Variants in SRPK2 observed in about 807,000 individuals in gnomAD.
SRPK2 encodes SRSF protein kinase 2.
SRPK2 carries 21 observed loss-of-function variants against 90.8 expected under a neutral mutation model. That is an observed-to-expected ratio of 0.23 (90% CI 0.16 to 0.33). The LOEUF is 0.33. SRPK2 is among the 10% of genes least tolerant of loss of function. The pLI is 1.00. For synonymous variants in SRPK2, 288 were observed against 311.1 expected (o/e 0.93, Z 0.78); for missense variants, 620 against 869.0 (o/e 0.71, Z 3.60).
intron 2 of SRPK2, among the ~76,000 whole-genome samples, chr7:105,263,557 A>G (rs1804625572): frequency 1.3e-5 from 2 of 152,214 alleles, no homozygotes; most frequent in Non-Finnish European, 2.9e-5. Flanking sequence ...CTATTTATAT[A>G]ATGTTCAAAA....
intron 2 of SRPK2, among the ~76,000 whole-genome samples, chr7:105,373,033 G>A (rs1402023570): frequency 1.3e-5 from 2 of 152,274 alleles, no homozygotes; most frequent in Non-Finnish European, 2.9e-5. Flanking sequence ...AGGTTGCAGT[G>A]AGCCAAGATA....
chr7:105,148,536 C>T (rs540684543), intron 7 of SRPK2, among the ~76,000 whole-genome samples: 6 of 152,118 alleles, frequency 3.9e-5, no homozygotes, highest in Non-Finnish European at 7.4e-5. Context: ...ATTAGAAATT[C>T]CAAATGTTAA....
At chr7:105,233,186 G>A (rs1294205574) in intron 2 of SRPK2, among the ~76,000 whole-genome samples, 2 of 151,750 alleles carry the variant, frequency 1.3e-5, no homozygotes, top group Non-Finnish European at 2.9e-5. Flanking sequence ...TGAAGGCACA[G>A]GTCAATTAAT....
At chr7:105,300,788 A>T (rs529854638) in intron 2 of SRPK2, among the ~76,000 whole-genome samples, 15 of 152,232 alleles carry the variant, frequency 9.9e-5, no homozygotes, top group Non-Finnish European at 2.1e-4. Context: ...CTAGTCATCA[A>T]AAAAATGCAA....
chr7:105,395,668 T>TG (rs1379038275), intron 1 of SRPK2, among the ~76,000 whole-genome samples: 1 of 152,040 alleles, frequency 6.6e-6, no homozygotes, highest in African/African-American at 2.4e-5. Context: ...AGACAGAAGT[T>TG]GCAGTGAGCC....
chr7:105,298,605 G>A, intron 2 of SRPK2: 9 of 483,820 alleles, frequency 1.9e-5, no homozygotes, highest in Non-Finnish European at 2.2e-5. Flanking sequence ...CAGCAAGATG[G>A]TATCTCTTAC....
At chr7:105,292,651 A>G (rs1260437444) in intron 2 of SRPK2, among the ~76,000 whole-genome samples, 1 of 152,188 alleles carries the variant, frequency 6.6e-6, no homozygotes, top group Non-Finnish European at 1.5e-5. Flanking sequence ...ATATTGGGAC[A>G]GCGCTTTTTG....
intron 2 of SRPK2, among the ~76,000 whole-genome samples, chr7:105,220,819 T>C (rs958336131): frequency 2.0e-5 from 3 of 152,196 alleles, no homozygotes; most frequent in African/African-American, 7.2e-5. Flanking sequence ...ATGTGTCTCA[T>C]TTGTTTCAGA....
At chr7:105,298,638 T>C in intron 2 of SRPK2, 1 of 788,462 alleles carries the variant, frequency 1.3e-6, no homozygotes, top group Non-Finnish European at 1.5e-6. Flanking sequence ...CAAACAAAAG[T>C]ATCAAATAAA....
intron 2 of SRPK2, among the ~76,000 whole-genome samples, chr7:105,361,193 G>A (rs1211208210): frequency 6.6e-6 from 1 of 152,006 alleles, no homozygotes; most frequent in South Asian, 2.1e-4. Context: ...AACACACAGA[G>A]AGCCAAATCA....
In SRPK2 at chr7:105,319,860, CT is replaced by C. The variant is rs75125198; in HGVS notation, c.71+68787del. 1.1e-3 allele frequency among the ~76,000 whole-genome samples: 166 copies of C among 145,754 alleles called. 1 individual carries two copies. Among genetic ancestry groups the C allele is most frequent in the East Asian group, 2.2e-3 (11 of 5,008 alleles). ...CGAGTTCTGGACATCACTTCCCCCC[CT>C]TTTTTTTTTTTTTTGTCTATAAATC... On this transcript the variant is annotated intron_variant, in intron 2 of 15. Transcript: ENST00000393651.
At chr7:105,321,221 G>C (rs1479322116) in intron 2 of SRPK2, among the ~76,000 whole-genome samples, 1 of 152,144 alleles carries the variant, frequency 6.6e-6, no homozygotes, top group African/African-American at 2.4e-5. Context: ...ACTCAATGCG[G>C]AAAGAACAGA....
At chr7:105,190,589 C>G (rs1414911188) in intron 3 of SRPK2, among the ~76,000 whole-genome samples, 1 of 152,132 alleles carries the variant, frequency 6.6e-6, no homozygotes, top group African/African-American at 2.4e-5. Context: ...CACCAACTGC[C>G]TTCCCTTCTG....
At chr7:105,121,393 G>GAA (rs1285062651) in intron 15 of SRPK2, among the ~76,000 whole-genome samples, 1 of 150,626 alleles carries the variant, frequency 6.6e-6, no homozygotes, top group Non-Finnish European at 1.5e-5. Context: ...AAAAAAGAGA[G>GAA]AAAAGAAAAT....
intron 11 of SRPK2, among the ~76,000 whole-genome samples, chr7:105,137,034 A>G (rs563552648): frequency 6.6e-6 from 1 of 152,300 alleles, no homozygotes; most frequent in African/African-American, 2.4e-5. Context: ...GAGAAAGGAG[A>G]TGGATAATGC....
chr7:105,317,262 C>A (rs182168177), intron 2 of SRPK2, among the ~76,000 whole-genome samples: 1 of 152,344 alleles, frequency 6.6e-6, no homozygotes, highest in African/African-American at 2.4e-5. Context: ...GCTGTACTAG[C>A]AGTCCTTGCA....
At chr7:105,180,045 T>C (rs1485610525) in intron 3 of SRPK2, among the ~76,000 whole-genome samples, 1 of 152,078 alleles carries the variant, frequency 6.6e-6, no homozygotes, top group African/African-American at 2.4e-5. Flanking sequence ...CCTATCAAAC[T>C]ATAAATGGCA....
intron 2 of SRPK2, among the ~76,000 whole-genome samples, chr7:105,212,375 G>A (rs540046479): frequency 2.0e-5 from 3 of 152,256 alleles, no homozygotes; most frequent in Non-Finnish European, 2.9e-5. Context: ...TCCTGGTATC[G>A]TTATGGAAAC....
intron 2 of SRPK2, among the ~76,000 whole-genome samples, chr7:105,243,370 G>C (rs1801080730): frequency 6.6e-6 from 1 of 152,274 alleles, no homozygotes; most frequent in Admixed American, 6.5e-5. Flanking sequence ...GCCTGAGATA[G>C]GATCAAAGGT....
Sources: allele counts gnomAD v4.1 joint callset (sites outside exome capture counted in the v4.1 genomes callset), GRCh38; gene constraint gnomAD v4.1.1; transcripts MANE v1.5; gene names NCBI Gene and HGNC (gene_info 2026-07-23, HGNC 2026-07-21).